HS6ST3: variants seen among roughly 807,000 people sequenced by gnomAD.
HS6ST3 encodes the protein heparan-sulfate 6-O-sulfotransferase 3.
A neutral mutation model predicts 36.7 loss-of-function variants in HS6ST3; 12 were observed. The observed-to-expected ratio is 0.33, with a 90% CI of 0.21 to 0.53. The LOEUF (loss-of-function observed/expected upper bound fraction) is 0.53, where lower values mean the gene tolerates loss of function less well. Among genes scored for constraint, HS6ST3 ranks in the 20% least tolerant of loss-of-function variants. HS6ST3 has a pLI of 0.95. For synonymous variants in HS6ST3, 240 were observed against 257.5 expected (o/e 0.93, Z 0.65); for missense variants, 584 against 640.9 (o/e 0.91, Z 0.96).
chr13:96,641,200 A>G (rs533391), intron 1 of HS6ST3, among the ~76,000 whole-genome samples: 148,229 of 152,008 alleles, frequency 0.98, 72,369 homozygotes, highest in East Asian at 1. Context: ...TTTCATCAGC[A>G]TTTTAAATTT....
At chr13:96,440,736 G>A (rs2055666736) in intron 1 of HS6ST3, among the ~76,000 whole-genome samples, 1 of 152,094 alleles carries the variant, frequency 6.6e-6, no homozygotes, top group African/African-American at 2.4e-5. Context: ...CAGAACAGCA[G>A]AGACTACAGT....
intron 1 of HS6ST3, among the ~76,000 whole-genome samples, chr13:96,635,621 A>G (rs1276413798): frequency 6.6e-6 from 1 of 152,170 alleles, no homozygotes; most frequent in Non-Finnish European, 1.5e-5. Context: ...TACAAATATT[A>G]TGCTTATGCA....
At chr13:96,490,462 A>T (rs2055939294) in intron 1 of HS6ST3, among the ~76,000 whole-genome samples, 1 of 152,320 alleles carries the variant, frequency 6.6e-6, no homozygotes, top group African/African-American at 2.4e-5. Context: ...TTTTAGGGAC[A>T]TTAAAATGAT....
At chr13:96,620,149 A>G (rs1457999921) in intron 1 of HS6ST3, among the ~76,000 whole-genome samples, 4 of 152,210 alleles carry the variant, frequency 2.6e-5, no homozygotes, top group Non-Finnish European at 4.4e-5. Context: ...TGAGTGATTT[A>G]AAGCACCCAA....
chr13:96,421,855 A>G (rs1403555424), intron 1 of HS6ST3, among the ~76,000 whole-genome samples: 1 of 152,192 alleles, frequency 6.6e-6, no homozygotes, highest in Non-Finnish European at 1.5e-5. Flanking sequence ...TCATCTTTAC[A>G]TGTCCAGTTT....
chr13:96,380,264 CTTTTT>C (rs33958530), intron 1 of HS6ST3, among the ~76,000 whole-genome samples: 1 of 136,258 alleles, frequency 7.3e-6, no homozygotes, highest in Non-Finnish European at 1.6e-5. Context: ...TAAGTTAGCA[CTTTTT>C]TTTTTTTTTT....
intron 1 of HS6ST3, among the ~76,000 whole-genome samples, chr13:96,336,313 T>C (rs2055100666): frequency 6.6e-6 from 1 of 152,212 alleles, no homozygotes; most frequent in Non-Finnish European, 1.5e-5. Context: ...GTGTTTCTAA[T>C]ACCATGAGTT....
At chr13:96,736,509 G>A (rs1876288323) in intron 1 of HS6ST3, among the ~76,000 whole-genome samples, 2 of 152,024 alleles carry the variant, frequency 1.3e-5, no homozygotes, top group South Asian at 4.1e-4. Context: ...GAGACTTTAA[G>A]CTATTTATTA....
intron 1 of HS6ST3, among the ~76,000 whole-genome samples, chr13:96,340,745 C>T (rs1594757834): frequency 1.3e-5 from 2 of 152,346 alleles, no homozygotes; most frequent in East Asian, 3.9e-4. Context: ...GCGTTCCCAT[C>T]TCAGGGCTTA....
intron 1 of HS6ST3, among the ~76,000 whole-genome samples, chr13:96,589,419 T>A (rs1203006494): frequency 6.6e-6 from 1 of 152,160 alleles, no homozygotes; most frequent in Non-Finnish European, 1.5e-5. Flanking sequence ...ATTTGGGTTT[T>A]CTTTCTGTTG....
intron 1 of HS6ST3, among the ~76,000 whole-genome samples, chr13:96,701,784 A>C (rs1875294054): frequency 6.6e-6 from 1 of 152,092 alleles, no homozygotes. Flanking sequence ...ACATGATGAC[A>C]TCCCATCTCT....
intron 1 of HS6ST3, among the ~76,000 whole-genome samples, chr13:96,286,808 C>T (rs1228822614): frequency 1.3e-5 from 2 of 152,020 alleles, no homozygotes; most frequent in Admixed American, 6.6e-5. Flanking sequence ...GTCTAATGCT[C>T]CTGTTTTCAG....
intron 1 of HS6ST3, among the ~76,000 whole-genome samples, chr13:96,359,306 T>A (rs1053609026): frequency 6.6e-6 from 1 of 152,162 alleles, no homozygotes; most frequent in Non-Finnish European, 1.5e-5. Flanking sequence ...AATGAGATTG[T>A]TTGTACTCCA....
intron 1 of HS6ST3, among the ~76,000 whole-genome samples, chr13:96,197,205 A>C (rs2054318610): frequency 6.6e-6 from 1 of 152,216 alleles, no homozygotes; most frequent in African/African-American, 2.4e-5. Context: ...GTTTAATTGG[A>C]CTTACAGTTC....
intron 1 of HS6ST3, among the ~76,000 whole-genome samples, chr13:96,697,087 A>G (rs552921886): frequency 6.6e-6 from 1 of 152,112 alleles, no homozygotes; most frequent in Non-Finnish European, 1.5e-5. Context: ...TGAGAAGATA[A>G]TACATTCATA....
chr13:96,711,906 A>G (rs1389079343), intron 1 of HS6ST3, among the ~76,000 whole-genome samples: 1 of 152,194 alleles, frequency 6.6e-6, no homozygotes, highest in African/African-American at 2.4e-5. Flanking sequence ...TATTGCTGGT[A>G]TGTTCTGCAT....
At chr13:96,729,400 G>A (rs1876086891) in intron 1 of HS6ST3, among the ~76,000 whole-genome samples, 1 of 152,150 alleles carries the variant, frequency 6.6e-6, no homozygotes, top group East Asian at 1.9e-4. Flanking sequence ...GGATGATGGA[G>A]CAAAACCTGG....
chr13:96,772,058 G>A (rs1877279010), intron 1 of HS6ST3, among the ~76,000 whole-genome samples: 2 of 152,248 alleles, frequency 1.3e-5, no homozygotes, highest in Admixed American at 1.3e-4. Context: ...GATAGCAAAG[G>A]AAGCTATCTG....
intron 1 of HS6ST3, among the ~76,000 whole-genome samples, chr13:96,778,514 A>G (rs1214241734): frequency 1.3e-5 from 2 of 152,266 alleles, no homozygotes; most frequent in East Asian, 1.9e-4. Flanking sequence ...GATGAAGGAT[A>G]TGAATAGACA....
Sources: allele counts gnomAD v4.1 joint callset (sites outside exome capture counted in the v4.1 genomes callset), GRCh38; gene constraint gnomAD v4.1.1; transcripts MANE v1.5; gene names NCBI Gene and HGNC (gene_info 2026-07-23, HGNC 2026-07-21).